TBC1D5: variants seen among roughly 807,000 people sequenced by gnomAD.
The protein encoded by TBC1D5 is TBC1 domain family, member 5.
In TBC1D5, 75 loss-of-function variants were observed where a neutral mutation model predicts 100.3. The ratio of observed to expected loss-of-function variants is 0.75; its 90% CI spans 0.62 to 0.91. The LOEUF is 0.91. Ranked by LOEUF, TBC1D5 falls within the 40% of genes least tolerant of loss-of-function variation. The pLI is 0.00. For missense variants in TBC1D5, 910 were observed against 942.4 expected (o/e 0.97, Z 0.45); for synonymous variants, 323 against 325.6 (o/e 0.99, Z 0.09).
intron 1 of TBC1D5, among the ~76,000 whole-genome samples, chr3:17,663,973 T>C (rs1367105493): frequency 6.6e-6 from 1 of 152,168 alleles, no homozygotes; most frequent in African/African-American, 2.4e-5. Context: ...AAAACACAAG[T>C]AATCCATTCT....
chr3:17,735,590 G>A (rs1295938952), intron 1 of TBC1D5, among the ~76,000 whole-genome samples: 2 of 152,162 alleles, frequency 1.3e-5, no homozygotes, highest in Non-Finnish European at 1.5e-5. Flanking sequence ...TACGGTGAGT[G>A]TTATAGCTCT....
intron 3 of TBC1D5, among the ~76,000 whole-genome samples, chr3:17,481,768 T>C (rs1301025517): frequency 6.6e-6 from 1 of 152,224 alleles, no homozygotes; most frequent in African/African-American, 2.4e-5. Flanking sequence ...GGAGTCTCGC[T>C]CTTGTCGCCC....
At chr3:17,588,722 C>G (rs2096748025) in intron 2 of TBC1D5, among the ~76,000 whole-genome samples, 1 of 152,106 alleles carries the variant, frequency 6.6e-6, no homozygotes, top group Admixed American at 6.5e-5. Flanking sequence ...ACATAAACAA[C>G]AGCATGAAAC....
At chr3:17,465,954 T>C (rs1054588552) in intron 3 of TBC1D5, among the ~76,000 whole-genome samples, 19 of 152,292 alleles carry the variant, frequency 1.2e-4, no homozygotes, top group South Asian at 6.2e-4. Flanking sequence ...CTAGGCCCAA[T>C]AGGACATGAT....
At chr3:17,679,025 T>C (rs747629545) in intron 1 of TBC1D5, among the ~76,000 whole-genome samples, 6 of 149,452 alleles carry the variant, frequency 4.0e-5, no homozygotes, top group Admixed American at 2.0e-4. Context: ...GAGAGTAAAA[T>C]AGAGTTATTT....
chr3:17,240,251 C>T (rs1430276381), intron 16 of TBC1D5, among the ~76,000 whole-genome samples: 1 of 151,984 alleles, frequency 6.6e-6, no homozygotes, highest in Admixed American at 6.6e-5. Context: ...GGAGGTAGGA[C>T]AAATCAAATT....
At chr3:17,475,425 C>A in intron 3 of TBC1D5, among the ~76,000 whole-genome samples, 1 of 152,036 alleles carries the variant, frequency 6.6e-6, no homozygotes, top group East Asian at 1.9e-4. Flanking sequence ...TAAATGATAT[C>A]ATCTAATTTT....
rs192913327 is a variant in TBC1D5 at position 17,369,700 on chromosome 3, T to C, written c.995+2375A>G. Among the ~76,000 whole-genome samples, 447 of 152,148 alleles carry C rather than the reference T, an allele frequency of 2.9e-3. 2 individuals are homozygous for C. The highest frequency in any genetic ancestry group is 4.7e-3 in the Non-Finnish European group (321 of 67,994). ...CTAATAGTCATTAATAGAAAATACATAGATGGGTAGTACAGATGGTAGTAC... is the reference window on the plus strand; with the variant it reads ...CTAATAGTCATTAATAGAAAATACACAGATGGGTAGTACAGATGGTAGTAC... On this transcript the variant is annotated intron_variant, in intron 13 of 21. Transcript: ENST00000253692.
At chr3:17,475,177 C>G (rs1413088507) in intron 3 of TBC1D5, among the ~76,000 whole-genome samples, 1 of 150,268 alleles carries the variant, frequency 6.7e-6, no homozygotes, top group African/African-American at 2.5e-5. Flanking sequence ...CTACCTTGCC[C>G]CGCCCCACCC....
At chr3:17,223,466 G>C (rs2074503676) in intron 17 of TBC1D5, among the ~76,000 whole-genome samples, 1 of 152,172 alleles carries the variant, frequency 6.6e-6, no homozygotes, top group Admixed American at 6.5e-5. Context: ...GGTTATGTAT[G>C]AGAAAATGGA....
chr3:17,219,613 C>G (rs998538875), intron 17 of TBC1D5, among the ~76,000 whole-genome samples: 13 of 151,892 alleles, frequency 8.6e-5, no homozygotes, highest in Non-Finnish European at 1.5e-4. Context: ...GTTTTAGTAA[C>G]TTTATTAAAT....
chr3:17,380,045 A>ATGTGTGTGTGTGTGTGTGTG (rs3041142), intron 9 of TBC1D5, among the ~76,000 whole-genome samples: 94 of 112,480 alleles, frequency 8.4e-4, no homozygotes, highest in East Asian at 1.4e-3. Flanking sequence ...GTGACTGTGT[A>ATGTGTGTGTGTGTGTGTGTG]TGTGTGTGTG....
chr3:17,472,704 C>G (rs1347672416), intron 3 of TBC1D5, among the ~76,000 whole-genome samples: 1 of 152,188 alleles, frequency 6.6e-6, no homozygotes, highest in Non-Finnish European at 1.5e-5. Context: ...TATAATATAT[C>G]TTGGCAGAGA....
intron 1 of TBC1D5, among the ~76,000 whole-genome samples, chr3:17,638,203 T>C (rs1292162332): frequency 6.6e-6 from 1 of 152,134 alleles, no homozygotes; most frequent in Non-Finnish European, 1.5e-5. Flanking sequence ...TTGAAGTGTA[T>C]AATTCAATTG....
intron 15 of TBC1D5, among the ~76,000 whole-genome samples, chr3:17,266,608 C>T (rs1047521884): frequency 1.1e-4 from 16 of 151,900 alleles, no homozygotes; most frequent in African/African-American, 3.9e-4. Context: ...GAAAATAAAA[C>T]CTAGTTTTTG....
chr3:17,494,120 G>A (rs1410197552), intron 3 of TBC1D5, among the ~76,000 whole-genome samples: 1 of 152,114 alleles, frequency 6.6e-6, no homozygotes, highest in Non-Finnish European at 1.5e-5. Flanking sequence ...TGTTGTCGTT[G>A]ATGCTATTTG....
At chr3:17,445,492 T>G (rs566055224) in intron 3 of TBC1D5, among the ~76,000 whole-genome samples, 37 of 152,152 alleles carry the variant, frequency 2.4e-4, no homozygotes, top group Non-Finnish European at 4.3e-4. Flanking sequence ...GAAAAATTAC[T>G]CTGTTCTATA....
intron 17 of TBC1D5, among the ~76,000 whole-genome samples, chr3:17,230,724 A>T (rs972463176): frequency 1.3e-5 from 2 of 152,102 alleles, no homozygotes; most frequent in African/African-American, 4.8e-5. Context: ...AAATTATTTT[A>T]AAAAATCTAA....
intron 4 of TBC1D5, among the ~76,000 whole-genome samples, chr3:17,424,127 G>T (rs1259975017): frequency 6.6e-6 from 1 of 152,086 alleles, no homozygotes; most frequent in Non-Finnish European, 1.5e-5. Context: ...TGATCAAAAA[G>T]ATATTTAGAA....
Sources: gnomAD v4.1 joint callset for allele counts (sites outside exome capture counted in the v4.1 genomes callset) on GRCh38, gnomAD v4.1.1 for gene constraint, MANE v1.5 for transcripts, NCBI Gene and HGNC (gene_info 2026-07-23, HGNC 2026-07-21) for gene names.